Variants in DIP2B observed in about 807,000 individuals in gnomAD.
DIP2B encodes DIP2 acetate--CoA ligase B (putative), also known as disco-interacting protein 2 homolog B.
A neutral mutation model predicts 198.0 loss-of-function variants in DIP2B; 76 were observed. The ratio of observed to expected loss-of-function variants is 0.38; its 90% confidence interval spans 0.32 to 0.46. DIP2B has a LOEUF of 0.46. Ranked by LOEUF, DIP2B falls within the 20% of genes least tolerant of loss-of-function variation. The pLI, the probability that DIP2B is intolerant of heterozygous loss-of-function variation, is 0.99. For missense variants in DIP2B, 1,559 were observed against 1,978.4 expected, an observed-to-expected ratio of 0.79 and a Z score of 4.02; for synonymous variants, 701 against 739.1, an observed-to-expected ratio of 0.95 and a Z score of 0.84.
At chr12:50,665,837 A>C (rs368556026) in intron 4 of DIP2B, among the ~76,000 whole-genome samples, 1 of 152,196 alleles carries the variant, frequency 6.6e-6, no homozygotes, top group East Asian at 1.9e-4. Flanking sequence ...ATGGTACTGG[A>C]ATGAGCATTT....
At chr12:50,741,666 A>G in intron 37 of DIP2B, 127 bp downstream of exon 37, 1 of 1,271,074 alleles carries the variant, frequency 7.9e-7, no homozygotes, top group South Asian at 1.5e-5. Flanking sequence ...AGGAGTAAGG[A>G]AATAGACTGA....
At chr12:50,545,531 A>C (rs890242291) in intron 1 of DIP2B, among the ~76,000 whole-genome samples, 1 of 151,730 alleles carries the variant, frequency 6.6e-6, no homozygotes, top group African/African-American at 2.4e-5. Context: ...ATGTGCCACC[A>C]TGCCTGGCTA....
At chr12:50,634,733 T>G (rs1938125701) in intron 2 of DIP2B, among the ~76,000 whole-genome samples, 1 of 152,232 alleles carries the variant, frequency 6.6e-6, no homozygotes, top group African/African-American at 2.4e-5. Context: ...ATTCACCTAC[T>G]GGAGGAACAT....
At chr12:50,649,825 C>T (rs185019121) in intron 3 of DIP2B, among the ~76,000 whole-genome samples, 14 of 151,934 alleles carry the variant, frequency 9.2e-5, no homozygotes, top group Non-Finnish European at 1.8e-4. Flanking sequence ...CACTGCAATC[C>T]GGCCTGGGTG....
chr12:50,552,680 T>C (rs1201726352), intron 1 of DIP2B, among the ~76,000 whole-genome samples: 2 of 152,156 alleles, frequency 1.3e-5, no homozygotes, highest in East Asian at 1.9e-4. Context: ...ATTTATCTTA[T>C]TTTGCTTTTG....
In DIP2B at chr12:50,505,116, C is replaced by T. The variant is rs1173281988; in HGVS notation, c.-25C>T. Reference sequence around the variant, plus strand: ...CTCCTTCGGCCCCCTCTCTTGTCTTCCGGAGTGTGGCTGGCGGAGCTGGGA... The same window carrying T: ...CTCCTTCGGCCCCCTCTCTTGTCTTTCGGAGTGTGGCTGGCGGAGCTGGGA... On this transcript the variant is annotated 5_prime_UTR_variant, in exon 1 of 38. Coordinates refer to ENST00000301180, the MANE Select transcript of DIP2B (RefSeq NM_173602.3). 6 of 1,529,498 alleles carry T rather than the reference C, an allele frequency of 3.9e-6. No individual in the cohort carries two copies. The East Asian group carries it at 1.5e-4, about 38-fold the overall frequency. The allele number at this position is 1,529,498 out of a possible 1,614,324, so 94.7% of individuals were successfully genotyped here. A position where few individuals can be genotyped will look rare whatever the true frequency, so the allele number is the denominator to read the frequency against.
chr12:50,574,351 G>A (rs1958640015), intron 1 of DIP2B, among the ~76,000 whole-genome samples: 1 of 152,124 alleles, frequency 6.6e-6, no homozygotes, highest in African/African-American at 2.4e-5. Flanking sequence ...GCAGATGAGG[G>A]CCATAATATT....
intron 18 of DIP2B, 49 bp from the exon 19 acceptor site, chr12:50,699,017 A>G (rs776680698): frequency 1.8e-5 from 28 of 1,596,950 alleles, no homozygotes; most frequent in Non-Finnish European, 2.3e-5. Context: ...TTATTTTACA[A>G]AAGTTTTCTA....
At chr12:50,695,796 A>T in intron 15 of DIP2B, 52 bp from the exon 16 acceptor site, 1 of 1,605,040 alleles carries the variant, frequency 6.2e-7, no homozygotes, top group Non-Finnish European at 8.5e-7. Context: ...GGTGTATTAC[A>T]TATGTCCCAA....
intron 1 of DIP2B, among the ~76,000 whole-genome samples, chr12:50,514,888 G>A (rs11613715): frequency 6.6e-6 from 1 of 151,928 alleles, no homozygotes; most frequent in African/African-American, 2.4e-5. Context: ...GAACTCCTGG[G>A]CTCAAATAAT....
At chr12:50,696,099 G>A (rs1430002464) in intron 16 of DIP2B, 132 bp downstream of exon 16, 5 of 1,363,416 alleles carry the variant, frequency 3.7e-6, no homozygotes, top group Non-Finnish European at 4.0e-6. Context: ...AGTGGTTTTG[G>A]TATATTCACG....
chr12:50,506,412 C>G (rs780259334), intron 1 of DIP2B, among the ~76,000 whole-genome samples: 2 of 152,186 alleles, frequency 1.3e-5, no homozygotes, highest in Non-Finnish European at 2.9e-5. Context: ...GTTCCCTCCC[C>G]TCTGAGAATC....
chr12:50,674,354 A>T, intron 5 of DIP2B, 120 bp from the exon 6 acceptor site: 1 of 1,022,118 alleles, frequency 9.8e-7, no homozygotes, highest in Non-Finnish European at 1.4e-6. Context: ...ATGTTGTTTT[A>T]CAAGAGCCAG....
Position 50,672,763 on chromosome 12 carries a change from T to C in DIP2B, c.640+1365T>C, listed in dbSNP as rs116045678. ...ACCTCCCATGGGTAATACTTTAGTA[T>C]TATTACTGTAGTGTATATTCTTCTA... On this transcript the variant is annotated intron_variant, in intron 5 of 37. Transcript: ENST00000301180. Among the ~76,000 whole-genome samples the C allele has an allele frequency of 7.9e-4, 121 of 152,354 alleles. 2 individuals carry two copies. The highest frequency in any genetic ancestry group is 2.7e-3 in the African/African-American group (113 of 41,574).
intron 30 of DIP2B, among the ~76,000 whole-genome samples, chr12:50,729,762 C>T (rs1439365721): frequency 6.9e-6 from 1 of 145,614 alleles, no homozygotes; most frequent in Admixed American, 7.0e-5. Flanking sequence ...CAGTGTCTTG[C>T]TCTGTTGCCC....
chr12:50,612,963 A>G (rs1383657804), intron 1 of DIP2B, among the ~76,000 whole-genome samples: 1 of 152,236 alleles, frequency 6.6e-6, no homozygotes, highest in African/African-American at 2.4e-5. Flanking sequence ...GAACATAACT[A>G]AAAACATTCT....
intron 32 of DIP2B, 118 bp from the exon 33 acceptor site, chr12:50,734,017 A>C: frequency 9.9e-7 from 1 of 1,007,334 alleles, no homozygotes; most frequent in Non-Finnish European, 1.6e-6. Context: ...TCTCAAGGGG[A>C]GGAGAGGTGA....
rs35971707 is a variant in DIP2B, at chr12:50,521,489, C to CTTTTTT, written c.100+16264_100+16269dup. On this transcript the variant is annotated intron_variant, in intron 1 of 37. Transcript: ENST00000301180. The stretch of plus-strand genomic sequence containing the variant: ...TCTCAGTTAGACTTCAGGTTTCTTT[C>CTTTTTT]TTTTTTTTTTTTTTTTTTTTGAGAT... 1.7e-3 allele frequency among the ~76,000 whole-genome samples: 168 copies of CTTTTTT among 98,244 alleles called. 1 individual carries two copies. Among genetic ancestry groups the CTTTTTT allele is most frequent in the East Asian group, 1.0e-2 (31 of 3,106 alleles). The allele number at this position is 98,244 out of a possible 152,430, so 64.5% of individuals were successfully genotyped here.
chr12:50,625,148 G>T (rs1414383931), intron 1 of DIP2B, among the ~76,000 whole-genome samples: 1 of 152,040 alleles, frequency 6.6e-6, no homozygotes, highest in Non-Finnish European at 1.5e-5. Flanking sequence ...GCTCTGTCAT[G>T]TCACCTCACC....
Sources: gnomAD v4.1 joint callset for allele counts (sites outside exome capture counted in the v4.1 genomes callset) on GRCh38, gnomAD v4.1.1 for gene constraint, MANE v1.5 for transcripts, NCBI Gene and HGNC (gene_info 2026-07-23, HGNC 2026-07-21) for gene names.